Variants in EPHA6 observed in about 807,000 individuals in gnomAD.
The protein encoded by EPHA6 is EPH receptor A6.
EPHA6 carries 50 observed loss-of-function variants against 112.0 expected under a neutral mutation model. The ratio of observed to expected loss-of-function variants is 0.45; its 90% CI spans 0.36 to 0.56. The LOEUF is 0.56. Ranked by LOEUF, EPHA6 falls within the 20% of genes least tolerant of loss-of-function variation. The pLI is 0.00. For synonymous variants in EPHA6, 529 were observed against 490.7 expected (o/e 1.08, Z -1.03); for missense variants, 1,280 against 1,417.4 (o/e 0.90, Z 1.56).
intron 3 of EPHA6, among the ~76,000 whole-genome samples, chr3:97,220,751 G>A (rs2078171157): frequency 6.6e-6 from 1 of 152,192 alleles, no homozygotes; most frequent in African/African-American, 2.4e-5. Flanking sequence ...TGAGATTTGG[G>A]TGGGGACACA....
intron 14 of EPHA6, among the ~76,000 whole-genome samples, chr3:97,701,147 T>A (rs2033362073): frequency 6.6e-6 from 1 of 152,094 alleles, no homozygotes; most frequent in African/African-American, 2.4e-5. Flanking sequence ...CCAGTATGAG[T>A]TTATTCTAAT....
intron 5 of EPHA6, among the ~76,000 whole-genome samples, chr3:97,261,416 A>G (rs2079498974): frequency 6.6e-6 from 1 of 152,196 alleles, no homozygotes; most frequent in East Asian, 1.9e-4. Context: ...CTAATGTGCT[A>G]AAATGAACAA....
intron 3 of EPHA6, among the ~76,000 whole-genome samples, chr3:97,125,441 A>G (rs2048157403): frequency 6.6e-6 from 1 of 152,156 alleles, no homozygotes; most frequent in Non-Finnish European, 1.5e-5. Context: ...TATTTCTATA[A>G]AATTTAAGAT....
intron 7 of EPHA6, among the ~76,000 whole-genome samples, chr3:97,459,539 C>T (rs1189036496): frequency 6.6e-6 from 1 of 152,190 alleles, no homozygotes; most frequent in Non-Finnish European, 1.5e-5. Context: ...TACCTTGCTA[C>T]TGAGGCTCAA....
chr3:96,855,061 AC>A (rs1456527885), intron 1 of EPHA6, among the ~76,000 whole-genome samples: 3 of 151,900 alleles, frequency 2.0e-5, no homozygotes, highest in Non-Finnish European at 4.4e-5. Flanking sequence ...ATGTCTGGAG[AC>A]CACCCATGTT....
At chr3:96,873,146 T>C (rs72933431) in intron 2 of EPHA6, among the ~76,000 whole-genome samples, 2,437 of 152,086 alleles carry the variant, frequency 0.016, 68 homozygotes, top group African/African-American at 0.049. Flanking sequence ...GTACCTGTAA[T>C]CCTAGCTACT....
At chr3:97,639,105 G>C (rs956349258) in intron 14 of EPHA6, among the ~76,000 whole-genome samples, 1 of 151,886 alleles carries the variant, frequency 6.6e-6, no homozygotes, top group Admixed American at 6.6e-5. Context: ...ATTTATCAAT[G>C]ATATTTTTCA....
At chr3:97,311,940 T>C (rs1241339317) in intron 5 of EPHA6, among the ~76,000 whole-genome samples, 1 of 151,716 alleles carries the variant, frequency 6.6e-6, no homozygotes, top group Non-Finnish European at 1.5e-5. Flanking sequence ...ATCTCAACAA[T>C]ATTTAGTCTT....
At chr3:97,266,521 T>G (rs1240828007) in intron 5 of EPHA6, among the ~76,000 whole-genome samples, 1 of 152,136 alleles carries the variant, frequency 6.6e-6, no homozygotes, top group Non-Finnish European at 1.5e-5. Flanking sequence ...AAAAAAAAAT[T>G]TGCTACCACT....
At chr3:97,563,292 T>C (rs2093217340) in intron 11 of EPHA6, among the ~76,000 whole-genome samples, 1 of 152,174 alleles carries the variant, frequency 6.6e-6, no homozygotes, top group African/African-American at 2.4e-5. Flanking sequence ...ACGTAGAATG[T>C]CCTGTGAAAA....
chr3:97,309,911 G>A (rs1244952895), intron 5 of EPHA6, among the ~76,000 whole-genome samples: 2 of 151,648 alleles, frequency 1.3e-5, no homozygotes, highest in Non-Finnish European at 3.0e-5. Flanking sequence ...ACTGTTTACA[G>A]TAACCACTAT....
intron 3 of EPHA6, among the ~76,000 whole-genome samples, chr3:97,194,568 A>T (rs1425849929): frequency 6.7e-6 from 1 of 149,540 alleles, no homozygotes; most frequent in Non-Finnish European, 1.5e-5. Flanking sequence ...GTTCTATAAA[A>T]ATCTATTAGG....
chr3:97,414,528 C>T (rs1424816138), intron 6 of EPHA6, among the ~76,000 whole-genome samples: 3 of 152,062 alleles, frequency 2.0e-5, no homozygotes, highest in South Asian at 2.1e-4. Context: ...AGTTTATTCC[C>T]GCATAGTAAC....
chr3:97,382,779 T>G (rs188527299), intron 5 of EPHA6, among the ~76,000 whole-genome samples: 5 of 152,154 alleles, frequency 3.3e-5, no homozygotes, highest in Non-Finnish European at 7.4e-5. Context: ...TAGATAATTT[T>G]AAACCAAATG....
At chr3:96,943,814 A>G (rs2041108377) in intron 2 of EPHA6, among the ~76,000 whole-genome samples, 2 of 152,150 alleles carry the variant, frequency 1.3e-5, no homozygotes, top group South Asian at 4.1e-4. Context: ...GGCTAGCAGC[A>G]TATGTTATGC....
At chr3:97,520,989 C>A (rs1253451933) in intron 10 of EPHA6, among the ~76,000 whole-genome samples, 1 of 151,944 alleles carries the variant, frequency 6.6e-6, no homozygotes, top group Non-Finnish European at 1.5e-5. Context: ...ATTCTTGAAC[C>A]TTTTGAATGT....
intron 10 of EPHA6, among the ~76,000 whole-genome samples, chr3:97,518,678 C>T (rs182985172): frequency 4.7e-4 from 72 of 152,174 alleles, no homozygotes; most frequent in Non-Finnish European, 7.7e-4. Flanking sequence ...ACCATTCTAA[C>T]AGAAGTAAGA....
chr3:97,054,270 G>T (rs946225075), intron 3 of EPHA6, among the ~76,000 whole-genome samples: 43 of 151,870 alleles, frequency 2.8e-4, no homozygotes, highest in African/African-American at 8.7e-4. Flanking sequence ...TATTTCTTTC[G>T]AATGATTTAG....
intron 11 of EPHA6, among the ~76,000 whole-genome samples, chr3:97,550,005 A>G (rs1045865711): frequency 5.9e-5 from 9 of 152,158 alleles, no homozygotes; most frequent in African/African-American, 2.2e-4. Context: ...TGAAAACTCT[A>G]GATAAGCTGA....
Sources: gnomAD v4.1 joint callset for allele counts (sites outside exome capture counted in the v4.1 genomes callset) on GRCh38, gnomAD v4.1.1 for gene constraint, MANE v1.5 for transcripts, NCBI Gene and HGNC (gene_info 2026-07-23, HGNC 2026-07-21) for gene names.